The following NEIL3 variants were observed in gnomAD, a reference collection of about 807,000 sequenced individuals.
NEIL3 encodes endonuclease 8-like 3.
Under a neutral mutation model 57.5 loss-of-function variants are expected in NEIL3, and 48 were observed. That is an observed-to-expected ratio of 0.83 (90% CI 0.66 to 1.06). The LOEUF is 1.06. NEIL3 is among the 50% of genes least tolerant of loss of function. The probability of loss-of-function intolerance (pLI) is 0.00; values close to 1 mark genes in which losing one functional copy is unlikely to be tolerated. For missense variants in NEIL3, 717 were observed against 739.1 expected, an observed-to-expected ratio of 0.97 and a Z score of 0.35; for synonymous variants, 261 against 253.2, an observed-to-expected ratio of 1.03 and a Z score of -0.29.
chr4:177,335,746 A>T lies in NEIL3; in HGVS notation c.337A>T (p.Asn113Tyr). 1 of 1,598,232 alleles carries T rather than the reference A, an allele frequency of 6.3e-7. No individual in the cohort carries two copies. Among genetic ancestry groups the T allele is most frequent in the Non-Finnish European group, 8.5e-7 (1 of 1,174,276 alleles). Residue 113 changes from asparagine to tyrosine, a missense_variant, in exon 3 of 10, where the codon AAT becomes TAT. Coordinates refer to ENST00000264596, the MANE Select transcript of NEIL3 (RefSeq NM_018248.3). ...TAATCCACTTGAGTATAAATATAAA[A>T]ATGGAGCTTCTCCTGTTTTGGAAGT... ...MINPLEYKYKNGASPVLEVQL... is the reference protein window; with the variant it reads ...MINPLEYKYKYGASPVLEVQL...
chr4:177,369,275 G>A, the NEIL3 span, among the ~76,000 whole-genome samples: 1 of 152,146 alleles, frequency 6.6e-6, no homozygotes, highest in South Asian at 2.1e-4. Flanking sequence ...ACGTAGAAGG[G>A]CATTTTAGGC....
chr4:177,343,436 G>A (rs1361344260), intron 6 of NEIL3: 1 of 152,380 alleles, frequency 6.6e-6, no homozygotes, highest in African/African-American at 2.4e-5. Context: ...CAAAACCATA[G>A]GATTGGACAT....
At chr4:177,353,850 CT>C in intron 8 of NEIL3, 122 bp downstream of exon 8, 1 of 816,038 alleles carries the variant, frequency 1.2e-6, no homozygotes, top group South Asian at 1.7e-5. Flanking sequence ...ACTGCAACCT[CT>C]GCCTCCCGCG....
In NEIL3 at chr4:177,335,789, TGATTTGTTTCTTTGACTCATCA is replaced by T; in HGVS notation, c.382_403del (p.Ile128Ter). On this transcript the variant is annotated frameshift_variant, in exon 3 of 10. Coordinates refer to ENST00000264596, the MANE Select transcript of NEIL3 (RefSeq NM_018248.3). LOFTEE classifies it high-confidence loss of function. Reference sequence around the variant, plus strand: ...TTGGAAGTGCAGCTCACCAAAGATTTGATTTGTTTCTTTGACTCATCAGTAGAACTCAGGTAAAAAAAATTAA... The same window carrying T: ...TTGGAAGTGCAGCTCACCAAAGATTTGTAGAACTCAGGTAAAAAAAATTAA... The T allele has an allele frequency of 6.3e-7, 1 of 1,579,976 alleles. No individual in the cohort carries two copies. Among genetic ancestry groups the T allele is most frequent in the Non-Finnish European group, 8.6e-7 (1 of 1,167,656 alleles).
At chr4:177,340,809 TAGG>T (rs1293792807) in intron 5 of NEIL3, among the ~76,000 whole-genome samples, 5 of 152,194 alleles carry the variant, frequency 3.3e-5, no homozygotes, top group African/African-American at 1.2e-4. Flanking sequence ...ATTTTCTTTG[TAGG>T]AGCCTTAAAT....
Position 177,362,605 on chromosome 4 carries a change from T to A in NEIL3, c.*134T>A. 1.5e-6 allele frequency: 1 copy of A among 659,030 alleles called. No individual in the cohort carries two copies. Among genetic ancestry groups the A allele is most frequent in the Non-Finnish European group, 2.4e-6 (1 of 419,152 alleles). 40.8% of individuals were successfully genotyped at this position (659,030 alleles called of 1,614,324 possible). On this transcript the variant is annotated 3_prime_UTR_variant, in exon 10 of 10. Transcript: ENST00000264596. The stretch of plus-strand genomic sequence containing the variant: ...TGCAATATTTGAGAACTGTTCTTTT[T>A]TTTTCTTGTGTGTGCCATCTTTCCA...
chr4:177,350,564 T>G (rs1231246058), intron 6 of NEIL3, among the ~76,000 whole-genome samples: 1 of 152,190 alleles, frequency 6.6e-6, no homozygotes, highest in Non-Finnish European at 1.5e-5. Flanking sequence ...TTTTTCATCA[T>G]TATGAATTAA....
At chr4:177,366,013 AAC>A (rs1308472710), downstream of NEIL3, among the ~76,000 whole-genome samples, 6 of 152,228 alleles carry the variant, frequency 3.9e-5, no homozygotes, top group Non-Finnish European at 5.9e-5. Context: ...TTGAATAGTA[AAC>A]ACAGATTTTA....
chr4:177,361,333 G>A (rs1735604513), intron 9 of NEIL3, among the ~76,000 whole-genome samples: 1 of 152,150 alleles, frequency 6.6e-6, no homozygotes, highest in East Asian at 1.9e-4. Context: ...AATGTTCAGA[G>A]ATACATATTT....
At chr4:177,310,187 A>G (rs1734450644) in intron 1 of NEIL3, 78 bp downstream of exon 1, 1 of 1,378,582 alleles carries the variant, frequency 7.3e-7, no homozygotes, top group Non-Finnish European at 9.5e-7. Context: ...TCCAGGATTT[A>G]AAGTGTCATC....
the NEIL3 span, among the ~76,000 whole-genome samples, chr4:177,370,998 A>G: frequency 6.6e-6 from 1 of 152,226 alleles, no homozygotes; most frequent in Admixed American, 6.5e-5. Context: ...CACCTAAAGT[A>G]TCTATATTTA....
intron 2 of NEIL3, among the ~76,000 whole-genome samples, chr4:177,334,936 T>G (rs35679382): frequency 0.12 from 18,158 of 152,220 alleles, 1,155 homozygotes; most frequent in Middle Eastern, 0.23. Flanking sequence ...GACATGCTAA[T>G]CAATCCTATA....
At chr4:177,354,702 G>A (rs1488196304) in intron 8 of NEIL3, among the ~76,000 whole-genome samples, 1 of 151,950 alleles carries the variant, frequency 6.6e-6, no homozygotes, top group African/African-American at 2.4e-5. Flanking sequence ...GGCTGGTCTC[G>A]AACTCCTGAC....
At chr4:177,356,674 G>C (rs1411445243) in intron 8 of NEIL3, among the ~76,000 whole-genome samples, 1 of 151,954 alleles carries the variant, frequency 6.6e-6, no homozygotes, top group African/African-American at 2.4e-5. Flanking sequence ...TTTGACTTTT[G>C]TTCTCTTAAT....
intron 6 of NEIL3, among the ~76,000 whole-genome samples, chr4:177,344,219 C>T (rs1026757146): frequency 2.0e-5 from 3 of 152,120 alleles, no homozygotes; most frequent in Non-Finnish European, 2.9e-5. Context: ...TTTGGAAAAT[C>T]AACTATACAC....
chr4:177,353,949 A>G (rs1389293457), intron 8 of NEIL3: 2 of 476,554 alleles, frequency 4.2e-6, no homozygotes, highest in Non-Finnish European at 7.4e-6. Flanking sequence ...TATTTTCAGT[A>G]GAGACGGGGT....
chr4:177,335,417 T>G (rs1050499982), intron 2 of NEIL3, among the ~76,000 whole-genome samples: 4 of 152,334 alleles, frequency 2.6e-5, no homozygotes, highest in African/African-American at 4.8e-5. Flanking sequence ...TGTATTTTTT[T>G]GGGCTTATTG....
chr4:177,313,247 C>T (rs34579293), intron 1 of NEIL3, among the ~76,000 whole-genome samples: 1 of 152,232 alleles, frequency 6.6e-6, no homozygotes, highest in African/African-American at 2.4e-5. Flanking sequence ...AAAAACACTA[C>T]TTCAGTAGTT....
intron 1 of NEIL3, among the ~76,000 whole-genome samples, chr4:177,320,713 C>A (rs567733440): frequency 6.6e-6 from 1 of 151,588 alleles, no homozygotes; most frequent in African/African-American, 2.4e-5. Context: ...GTGATCCGCC[C>A]GCCTCGACCT....
Sources: allele counts gnomAD v4.1 joint callset (sites outside exome capture counted in the v4.1 genomes callset), GRCh38; gene constraint gnomAD v4.1.1; transcripts MANE v1.5; gene names NCBI Gene and HGNC (gene_info 2026-07-23, HGNC 2026-07-21).